NCKAP1: variants seen among roughly 807,000 people sequenced by gnomAD.
NCKAP1 encodes NCK associated protein 1, also known as nck-associated protein 1.
Under a neutral mutation model 151.2 loss-of-function variants are expected in NCKAP1, and 21 were observed. The ratio of observed to expected loss-of-function variants is 0.14; its 90% CI spans 0.10 to 0.20. The LOEUF is 0.20. Among genes scored for constraint, NCKAP1 ranks in the 10% least tolerant of loss-of-function variants. The pLI, the probability that NCKAP1 is intolerant of heterozygous loss-of-function variation, is 1.00. For missense variants in NCKAP1, 933 were observed against 1,352.1 expected (o/e 0.69, Z 4.86); for synonymous variants, 484 against 451.8 (o/e 1.07, Z -0.90).
rs1696444090 is a variant in NCKAP1 at position 182,914,922 on chromosome 2, T to TTTAAATTTA, written c.*10779_*10780insTAAATTTAA. On this transcript the variant is annotated 3_prime_UTR_variant, in exon 31 of 31. Coordinates refer to ENST00000361354, the MANE Select transcript of NCKAP1 (RefSeq NM_013436.5). ...TTTCCATCCCTTCCCTTTAAAGAAA[T>TTTAAATTTA]CAGATTTTGTAAACAGTGAAAAAAC... 6.6e-6 allele frequency: 1 copy of TTTAAATTTA among 152,168 alleles called. No individual in the cohort carries two copies. The highest frequency in any genetic ancestry group is 6.5e-5 in the Admixed American group (1 of 15,272). The allele number at this position is 152,168 out of a possible 1,614,324, so 9.4% of individuals were successfully genotyped here. A position where few individuals can be genotyped will look rare whatever the true frequency, so the allele number is the denominator to read the frequency against.
chr2:182,980,726 C>T (rs35861477), intron 13 of NCKAP1, among the ~76,000 whole-genome samples: 1 of 151,988 alleles, frequency 6.6e-6, no homozygotes, highest in Admixed American at 6.6e-5. Flanking sequence ...GATTTTTATT[C>T]TACTTTCCCT....
intron 8 of NCKAP1, among the ~76,000 whole-genome samples, chr2:182,991,704 A>G (rs1698174619): frequency 6.6e-6 from 1 of 152,186 alleles, no homozygotes; most frequent in Admixed American, 6.5e-5. Flanking sequence ...CAGAAGACCA[A>G]GTCTTGACAA....
chr2:182,981,765 T>C (rs1697943951), intron 12 of NCKAP1, among the ~76,000 whole-genome samples: 1 of 151,462 alleles, frequency 6.6e-6, no homozygotes, highest in African/African-American at 2.4e-5. Flanking sequence ...AAAAGTTAGC[T>C]GGGCATGGTG....
In NCKAP1 at chr2:182,982,892, A is replaced by T. The variant is rs1388884122; in HGVS notation, c.1137T>A (p.Arg379=). Residue 379 remains arginine (R), a synonymous_variant, in exon 12 of 31, where the codon CGT becomes CGA. Coordinates refer to ENST00000361354, the MANE Select transcript of NCKAP1 (RefSeq NM_013436.5). ...GACGAAGTAGCCAGATGATTTCATC[A>T]CGGGCAAAGGATAATGCCATAAAAA... ...LFVFMALSFA[R]DEIIWLLRHA... 1.9e-6 allele frequency: 3 copies of T among 1,611,868 alleles called. No homozygotes were observed. The highest frequency in any genetic ancestry group is 1.7e-6 in the Non-Finnish European group (2 of 1,178,820).
intron 1 of NCKAP1, among the ~76,000 whole-genome samples, chr2:183,026,131 T>G (rs947503713): frequency 6.6e-6 from 1 of 152,182 alleles, no homozygotes; most frequent in Non-Finnish European, 1.5e-5. Flanking sequence ...CTTCTTACAC[T>G]GAAAACAGAA....
intron 2 of NCKAP1, among the ~76,000 whole-genome samples, chr2:183,006,876 ATTT>A (rs1260516602): frequency 6.6e-6 from 1 of 152,074 alleles, no homozygotes; most frequent in Non-Finnish European, 1.5e-5. Context: ...CTAATATTTT[ATTT>A]ATTTATTTTT....
chr2:183,023,719 A>C, intron 2 of NCKAP1, 87 bp downstream of exon 2: 3 of 1,012,682 alleles, frequency 3.0e-6, no homozygotes, highest in Non-Finnish European at 4.4e-6. Context: ...AAATTAGGTA[A>C]ATAAGAGCTA....
At chr2:183,023,469 G>C (rs192049572) in intron 2 of NCKAP1, among the ~76,000 whole-genome samples, 32 of 152,104 alleles carry the variant, frequency 2.1e-4, no homozygotes, top group Non-Finnish European at 2.8e-4. Context: ...ACTTCAACAG[G>C]AAGTTTATGA....
intron 15 of NCKAP1, among the ~76,000 whole-genome samples, chr2:182,971,111 T>C (rs1475045082): frequency 2.6e-5 from 4 of 151,976 alleles, no homozygotes; most frequent in Non-Finnish European, 5.9e-5. Flanking sequence ...TAAAAAGATA[T>C]CGGCCGGGCG....
chr2:183,002,213 T>C lies in NCKAP1; in HGVS notation c.426A>G (p.Thr142=), dbSNP rs2105875375. The change falls in exon 5 of 31, where the codon ACA becomes ACG. Residue 142 remains threonine, a synonymous_variant. Transcript: ENST00000361354. ...NYLDLIITYT[T]LMILLSRIEE... The stretch of plus-strand genomic sequence containing the variant: ...CAATTCGAGACAGCAGTATCATTAG[T>C]GTTGTATAGGTTATAATTAAATCTA... 6.3e-7 allele frequency: 1 copy of C among 1,580,908 alleles called. No individual in the cohort carries two copies. Among genetic ancestry groups the C allele is most frequent in the Non-Finnish European group, 8.7e-7 (1 of 1,150,170 alleles).
In NCKAP1 at chr2:182,967,355, T is replaced by C. The variant is rs762217373; in HGVS notation, c.1489A>G (p.Thr497Ala). 6 of 1,599,684 alleles carry C rather than the reference T, an allele frequency of 3.8e-6. No individual in the cohort carries two copies. The Admixed American group carries it at 7.1e-5, about 19-fold the overall frequency. ...CCAAGTGAAGCCTTTGAGACACTAG[T>C]ATATGCCTATAAAGTACAAAAAAAA... ...RLDWFRLQAY[T>A]SVSKASLGLA... The change falls in exon 16 of 31, where the codon ACT becomes GCT. Residue 497 changes from threonine (T) to alanine (A), a missense_variant. Physicochemically the swap from Thr to Ala is moderately conservative, Grantham distance 58. Transcript: ENST00000361354.
chr2:182,956,569 A>C lies in NCKAP1; in HGVS notation c.2046T>G (p.Leu682=), dbSNP rs1204048577. The change falls in exon 20 of 31, where the codon CTT becomes CTG. Residue 682 remains leucine, a synonymous_variant. Coordinates refer to ENST00000361354, the MANE Select transcript of NCKAP1 (RefSeq NM_013436.5). The stretch of plus-strand genomic sequence containing the variant: ...AATTTATAGAGAAGCATAACTCAGA[A>C]AGTGCAGTGTGCAATTTATCAAGGC... ...VTNLDKLHTA[L]SELCFSINYV... is the part of the protein sequence containing the mutation. 4.4e-6 allele frequency: 7 copies of C among 1,608,668 alleles called. No homozygotes were observed. The African/African-American group carries it at 8.0e-5, about 18-fold the overall frequency.
rs1696610349 is a variant in NCKAP1 at position 182,924,882 on chromosome 2, C to T, written c.*820G>A. The stretch of plus-strand genomic sequence containing the variant: ...ATCCAAGGATCTTAAAGAAATCAAT[C>T]GAAGTGTGATACAGTCTAGTGTTTA... On this transcript the variant is annotated 3_prime_UTR_variant, in exon 31 of 31. Coordinates refer to ENST00000361354, the MANE Select transcript of NCKAP1 (RefSeq NM_013436.5). 1 of 151,942 alleles carries T rather than the reference C, an allele frequency of 6.6e-6. No individual in the cohort carries two copies. Among genetic ancestry groups the T allele is most frequent in the Non-Finnish European group, 1.5e-5 (1 of 67,954 alleles). 9.4% of individuals were successfully genotyped at this position (151,942 alleles called of 1,614,324 possible). A position where few individuals can be genotyped will look rare whatever the true frequency, so the allele number is the denominator to read the frequency against.
chr2:182,986,156 A>G lies in NCKAP1; in HGVS notation c.1004+15T>C. 1 of 1,611,674 alleles carries G rather than the reference A, an allele frequency of 6.2e-7. No homozygotes were observed. The highest frequency in any genetic ancestry group is 8.5e-7 in the Non-Finnish European group (1 of 1,178,010). Reference sequence around the variant, plus strand: ...TCTTGATTAAAGCTACCACGGATAAAATAAAACTACTCACGCATGTGACAC... The same window carrying G: ...TCTTGATTAAAGCTACCACGGATAAGATAAAACTACTCACGCATGTGACAC... On this transcript the variant is annotated intron_variant, in intron 10 of 30. Coordinates refer to ENST00000361354, the MANE Select transcript of NCKAP1 (RefSeq NM_013436.5).
At chr2:182,940,122 A>T (rs1412606674) in intron 24 of NCKAP1, among the ~76,000 whole-genome samples, 1 of 152,178 alleles carries the variant, frequency 6.6e-6, no homozygotes, top group Non-Finnish European at 1.5e-5. Context: ...GCAGCGGATT[A>T]TTTGCTTCTA....
At chr2:182,971,311 G>A (rs1248546161) in intron 15 of NCKAP1, among the ~76,000 whole-genome samples, 5 of 147,388 alleles carry the variant, frequency 3.4e-5, no homozygotes, top group East Asian at 4.0e-4. Flanking sequence ...GGAGAATGGC[G>A]TGAACCCGGG....
At chr2:182,993,385 A>G (rs1006935408) in intron 8 of NCKAP1, among the ~76,000 whole-genome samples, 3 of 152,230 alleles carry the variant, frequency 2.0e-5, no homozygotes, top group Non-Finnish European at 4.4e-5. Context: ...TCTAAAGGTT[A>G]ATAAATCAAG....
At position 182,924,526 on chromosome 2, in the gene NCKAP1, C is replaced by T. The variant is rs911914009; in HGVS notation, c.*1176G>A. On this transcript the variant is annotated 3_prime_UTR_variant, in exon 31 of 31. Transcript: ENST00000361354. ...CCTTTTATGTCTTTCCCATTCATTA[C>T]TGACTAATGCAGCAGTTCTCAACAT... 3 of 152,132 alleles carry T rather than the reference C, an allele frequency of 2.0e-5. No homozygotes were observed. The highest frequency in any genetic ancestry group is 4.4e-5 in the Non-Finnish European group (3 of 68,014). The allele number at this position is 152,132 out of a possible 1,614,324, so 9.4% of individuals were successfully genotyped here.
At chr2:183,019,300 T>C (rs1698751447) in intron 2 of NCKAP1, among the ~76,000 whole-genome samples, 2 of 152,144 alleles carry the variant, frequency 1.3e-5, no homozygotes, top group African/African-American at 4.8e-5. Context: ...TTTTTACTGT[T>C]TTAAAAAACA....
Sources: allele counts gnomAD v4.1 joint callset (sites outside exome capture counted in the v4.1 genomes callset), GRCh38; gene constraint gnomAD v4.1.1; transcripts MANE v1.5; gene names NCBI Gene and HGNC (gene_info 2026-07-23, HGNC 2026-07-21).